Variants in MLLT10 observed in about 807,000 individuals in gnomAD.
The protein encoded by MLLT10 is protein AF-10.
MLLT10 carries 30 observed loss-of-function variants against 129.1 expected under a neutral mutation model. The observed-to-expected ratio is 0.23, with a 90% CI of 0.17 to 0.32. The LOEUF (loss-of-function observed/expected upper bound fraction) is 0.32, where lower values mean the gene tolerates loss of function less well. Among genes scored for constraint, MLLT10 ranks in the 10% least tolerant of loss-of-function variants. The pLI is 1.00. For synonymous variants in MLLT10, 490 were observed against 446.4 expected (o/e 1.10, Z -1.23); for missense variants, 1,119 against 1,268.3 (o/e 0.88, Z 1.79).
chr10:21,637,347 T>C (rs2047557920), intron 8 of MLLT10, among the ~76,000 whole-genome samples: 1 of 152,134 alleles, frequency 6.6e-6, no homozygotes, highest in Non-Finnish European at 1.5e-5. Flanking sequence ...GTGAGTGTCA[T>C]AGAGCCCCTG....
intron 11 of MLLT10, among the ~76,000 whole-genome samples, chr10:21,676,557 C>T (rs2052149991): frequency 1.3e-5 from 2 of 150,876 alleles, no homozygotes; most frequent in African/African-American, 4.9e-5. Context: ...CCGGTCTCTA[C>T]TAAAAATAGA....
chr10:21,656,205 C>G (rs1377472831), intron 9 of MLLT10, among the ~76,000 whole-genome samples: 2 of 152,090 alleles, frequency 1.3e-5, no homozygotes, highest in African/African-American at 4.8e-5. Context: ...TACATTGGTT[C>G]ACCACACTCT....
chr10:21,609,049 G>A (rs1249498363), intron 5 of MLLT10, among the ~76,000 whole-genome samples: 2 of 152,108 alleles, frequency 1.3e-5, no homozygotes, highest in Admixed American at 6.5e-5. Context: ...TTGCCAGACT[G>A]ATTTTCTGAA....
intron 8 of MLLT10, among the ~76,000 whole-genome samples, chr10:21,631,624 C>G (rs761914804): frequency 6.6e-6 from 1 of 151,492 alleles, no homozygotes; most frequent in Admixed American, 6.6e-5. Flanking sequence ...CAGAAGGCGA[C>G]GAGGAAATAA....
At chr10:21,599,320 C>T (rs1343782859) in intron 5 of MLLT10, among the ~76,000 whole-genome samples, 6 of 151,830 alleles carry the variant, frequency 4.0e-5, no homozygotes, top group Non-Finnish European at 5.9e-5. Context: ...CCAGCCTGGG[C>T]GACAGAATGA....
chr10:21,614,331 T>C (rs2131202042), intron 6 of MLLT10, among the ~76,000 whole-genome samples: 1 of 152,232 alleles, frequency 6.6e-6, no homozygotes, highest in East Asian at 1.9e-4. Context: ...CTTATTGTGC[T>C]GTGACTTAAA....
chr10:21,557,650 T>G (rs1328158265), intron 3 of MLLT10: 1 of 152,274 alleles, frequency 6.6e-6, no homozygotes, highest in African/African-American at 2.4e-5. Flanking sequence ...GAACCATGAC[T>G]GCTGGCAGCT....
intron 3 of MLLT10, among the ~76,000 whole-genome samples, chr10:21,568,614 T>C (rs1245781177): frequency 6.6e-6 from 1 of 152,180 alleles, no homozygotes; most frequent in East Asian, 1.9e-4. Flanking sequence ...TTTTTACCCC[T>C]TGGTTATTTT....
At chr10:21,669,017 G>A in intron 9 of MLLT10, 1 of 1,382,402 alleles carries the variant, frequency 7.2e-7, no homozygotes, top group Non-Finnish European at 9.6e-7. Flanking sequence ...TTTCCAAATT[G>A]ACCTGCCCAG....
intron 8 of MLLT10, among the ~76,000 whole-genome samples, chr10:21,638,658 A>T (rs2047690220): frequency 6.6e-6 from 1 of 152,106 alleles, no homozygotes; most frequent in South Asian, 2.1e-4. Flanking sequence ...ATCACTATTT[A>T]AAAAAATAAA....
chr10:21,632,413 G>T (rs1002149394), intron 8 of MLLT10, among the ~76,000 whole-genome samples: 1 of 152,152 alleles, frequency 6.6e-6, no homozygotes, highest in East Asian at 1.9e-4. Context: ...ATAGCCTATT[G>T]TTTTCCATTA....
At chr10:21,666,588 G>A (rs1234233930) in intron 9 of MLLT10, among the ~76,000 whole-genome samples, 2 of 151,892 alleles carry the variant, frequency 1.3e-5, no homozygotes, top group Admixed American at 6.6e-5. Flanking sequence ...GTTGGAACCC[G>A]GGAGGTGGAG....
rs889748088 is a variant in MLLT10 at position 21,652,087 on chromosome 10, T to G, written c.795+319T>G. ...GCCACTGTGCCTGGCCAATTTTTTG[T>G]ATCTTTAGTAGAGACGGGGTTTCAC... is the stretch of plus-strand genomic sequence containing the variant. On this transcript the variant is annotated intron_variant, in intron 9 of 22. Coordinates refer to ENST00000307729, the MANE Select transcript of MLLT10 (RefSeq NM_001195626.3). Among the ~76,000 whole-genome samples the G allele has an allele frequency of 2.6e-5, 4 of 152,008 alleles. No homozygotes were observed. The South Asian group carries it at 8.3e-4, about 32-fold the overall frequency.
chr10:21,546,231 C>T (rs1187807736), intron 3 of MLLT10, among the ~76,000 whole-genome samples: 4 of 151,406 alleles, frequency 2.6e-5, no homozygotes, highest in South Asian at 2.1e-4. Context: ...GCATGTGCCA[C>T]GATGCTTGGC....
At chr10:21,682,924 T>A (rs558422141) in intron 13 of MLLT10, among the ~76,000 whole-genome samples, 1 of 152,364 alleles carries the variant, frequency 6.6e-6, no homozygotes, top group East Asian at 1.9e-4. Flanking sequence ...TTGAGGCTAG[T>A]GTCAACTTTG....
At chr10:21,680,474 T>G (rs147126994) in intron 11 of MLLT10, among the ~76,000 whole-genome samples, 2,695 of 152,178 alleles carry the variant, frequency 0.018, 89 homozygotes, top group African/African-American at 0.061. Flanking sequence ...GTGCTGGGAT[T>G]ACAGGCATGA....
chr10:21,627,826 C>T (rs564984299), intron 8 of MLLT10, among the ~76,000 whole-genome samples: 3 of 152,172 alleles, frequency 2.0e-5, no homozygotes, highest in South Asian at 4.2e-4. Flanking sequence ...TATTTCTGTA[C>T]TCCTGCTTTT....
intron 3 of MLLT10, chr10:21,572,045 T>A (rs901502450): frequency 2.0e-5 from 3 of 152,270 alleles, no homozygotes; most frequent in African/African-American, 7.2e-5. Flanking sequence ...CTTTATTTCC[T>A]CTAAAAGGTT....
At chr10:21,625,125 C>A in intron 8 of MLLT10, 1 of 1,006,282 alleles carries the variant, frequency 9.9e-7, no homozygotes, top group Non-Finnish European at 1.6e-6. Context: ...TCTCCCCCAA[C>A]CTCTAATCGG....
Sources: allele counts gnomAD v4.1 joint callset (sites outside exome capture counted in the v4.1 genomes callset), GRCh38; gene constraint gnomAD v4.1.1; transcripts MANE v1.5; gene names NCBI Gene and HGNC (gene_info 2026-07-23, HGNC 2026-07-21).